CSNK1E: variants seen among roughly 807,000 people sequenced by gnomAD.
CSNK1E encodes the protein casein kinase I isoform epsilon.
In CSNK1E, 17 loss-of-function variants were observed where a neutral mutation model predicts 46.1. That is an observed-to-expected ratio of 0.37 (90% CI 0.25 to 0.55). The LOEUF (loss-of-function observed/expected upper bound fraction) is 0.55, where lower values mean the gene tolerates loss of function less well. Among genes scored for constraint, CSNK1E ranks in the 20% least tolerant of loss-of-function variants. CSNK1E has a pLI of 0.82. For synonymous variants in CSNK1E, 241 were observed against 242.6 expected (o/e 0.99, Z 0.06); for missense variants, 386 against 595.4 (o/e 0.65, Z 3.66).
chr22:38,294,333 C>T lies in CSNK1E; in HGVS notation c.1078+9G>A, dbSNP rs772967609. 10 of 1,582,282 alleles carry T rather than the reference C, an allele frequency of 6.3e-6. No individual in the cohort carries two copies. In the Admixed American group the frequency reaches 1.1e-4, roughly 17 times the overall value. On this transcript the variant is annotated intron_variant, in intron 8 of 10. Transcript: ENST00000396832. The surrounding 1 kb of genome is among the most constrained non-coding windows in gnomAD (Gnocchi z 5.5). ...CTGAACCCAGCCCACTGCCTGAGTCCCTGCTCACCAGCCGGCTGGATGCGG... is the reference window on the plus strand; with the variant it reads ...CTGAACCCAGCCCACTGCCTGAGTCTCTGCTCACCAGCCGGCTGGATGCGG...
rs978807947 is a variant in CSNK1E at position 38,317,394 on chromosome 22, T to TGCCCGCCCGCCCGCCCGCCC, written c.-248_-247insGGGCGGGCGGGCGGGCGGGC. 2.0e-5 allele frequency: 2 copies of TGCCCGCCCGCCCGCCCGCCC among 97,898 alleles called. No individual in the cohort carries two copies. The highest frequency in any genetic ancestry group is 1.9e-4 in the Admixed American group (2 of 10,492). The allele number at this position is 97,898 out of a possible 1,614,324, so 6.1% of individuals were successfully genotyped here. On this transcript the variant is annotated 5_prime_UTR_variant, in exon 1 of 11. Coordinates refer to ENST00000396832, the MANE Select transcript of CSNK1E (RefSeq NM_152221.3). The stretch of plus-strand genomic sequence containing the variant: ...CGCCGCCTCCCTCCTCCCGGCCTCC[T>TGCCCGCCCGCCCGCCCGCCC]GCCCGCCCGCCCGCCCCCGCCGCCG...
rs1022958257 is a variant in CSNK1E, at chr22:38,294,683, A to G, written c.886-149T>C. ...GCCTCCCTGACAAGCGCGGGAAGCC[A>G]AGACCCACAATCACACAGCACAGAG... On this transcript the variant is annotated intron_variant, in intron 7 of 10. Transcript: ENST00000396832. The surrounding 1 kb of genome is among the most constrained non-coding windows in gnomAD (Gnocchi z 5.5). 4 of 703,220 alleles carry G rather than the reference A, an allele frequency of 5.7e-6. No individual in the cohort carries two copies. Among genetic ancestry groups the G allele is most frequent in the African/African-American group, 5.4e-5 (3 of 55,238 alleles). The allele number at this position is 703,220 out of a possible 1,614,324, so 43.6% of individuals were successfully genotyped here.
intron 1 of CSNK1E, chr22:38,316,690 C>T (rs1297566462): frequency 6.6e-6 from 1 of 152,296 alleles, no homozygotes; most frequent in Non-Finnish European, 1.5e-5. Context: ...CGCCCGTCAT[C>T]CAACGAGCGG....
intron 9 of CSNK1E, 69 bp from the exon 10 acceptor site, chr22:38,293,388 T>TA (rs2092622026): frequency 4.0e-6 from 4 of 989,638 alleles, no homozygotes; most frequent in Non-Finnish European, 6.3e-6. Flanking sequence ...GTCAAGTCCC[T>TA]TAGCCGCTGG....
intron 1 of CSNK1E, 44 bp from the exon 2 acceptor site, chr22:38,314,213 CG>C: frequency 1.3e-6 from 2 of 1,531,700 alleles, no homozygotes; most frequent in Non-Finnish European, 1.8e-6. Flanking sequence ...CGTGGGGAGC[CG>C]GGAAAGGGGT....
chr22:38,296,281 T>C lies in CSNK1E; in HGVS notation c.886-1747A>G, dbSNP rs911955425. 5.6e-6 allele frequency: 7 copies of C among 1,241,294 alleles called. No individual in the cohort carries two copies. In the African/African-American group the frequency reaches 7.7e-5, roughly 14 times the overall value. 76.9% of individuals were successfully genotyped at this position (1,241,294 alleles called of 1,614,324 possible). A position where few individuals can be genotyped will look rare whatever the true frequency, so the allele number is the denominator to read the frequency against. On this transcript the variant is annotated intron_variant, in intron 7 of 10. Coordinates refer to ENST00000396832, the MANE Select transcript of CSNK1E (RefSeq NM_152221.3). ...TCACACGAGCATCCACCCGTCATCA[T>C]ATGGACCTCTGTCCTTGGCTGTGTT...
chr22:38,307,041 C>T (rs115705436), intron 2 of CSNK1E, among the ~76,000 whole-genome samples: 2,459 of 152,160 alleles, frequency 0.016, 72 homozygotes, highest in African/African-American at 0.056. Context: ...CGTGGTAGCA[C>T]GTGCCTGTGG....
intron 1 of CSNK1E, chr22:38,316,891 CAGCGGGGGGA>C (rs2092749216): frequency 1.3e-5 from 2 of 152,040 alleles, no homozygotes; most frequent in African/African-American, 2.4e-5. Flanking sequence ...TCGGAGGGCC[CAGCGGGGGGA>C]AGCGGAGGCA....
chr22:38,298,866 G>C lies in CSNK1E; in HGVS notation c.805C>G (p.Leu269Val), dbSNP rs1414072863. The change falls in exon 7 of 11, where the codon CTA becomes GTA. Residue 269 changes from leucine (L) to valine (V), a missense_variant. Physicochemically the swap from Leu to Val is conservative, Grantham distance 32 (BLOSUM62 1). Around this residue, in one of 2 missense-constraint regions of CSNK1E, gnomAD observed 212 missense variants for 410.2 expected, o/e 0.52. Coordinates refer to ENST00000396832, the MANE Select transcript of CSNK1E (RefSeq NM_152221.3). This position sits in a 1 kb window ranked among gnomAD's most constrained non-coding sequence, Gnocchi z 4.2. ...AAGAGGTTGCGGAAGAGCTGACGTA[G>C]GTAAGAGTAGTCGGGCTTGTCGTCA... ...RFDDKPDYSY[L>V]RQLFRNLFHR... 1 of 1,614,192 alleles carries C rather than the reference G, an allele frequency of 6.2e-7. No homozygotes were observed. Among genetic ancestry groups the C allele is most frequent in the Non-Finnish European group, 8.5e-7 (1 of 1,180,022 alleles).
chr22:38,306,733 A>C (rs1364092510), intron 2 of CSNK1E, among the ~76,000 whole-genome samples: 2 of 8,868 alleles, frequency 2.3e-4, no homozygotes, highest in Non-Finnish European at 1.7e-3. Flanking sequence ...CCATCTCAAA[A>C]AAAAAAAAAA....
chr22:38,317,922 A>C (rs2092756874), upstream of CSNK1E: 1 of 152,202 alleles, frequency 6.6e-6, no homozygotes, highest in East Asian at 1.9e-4. Context: ...ATTCAGGGCA[A>C]GAGATTTGAG....
intron 6 of CSNK1E, among the ~76,000 whole-genome samples, chr22:38,299,389 A>G (rs1476794988): frequency 6.6e-6 from 1 of 152,234 alleles, no homozygotes; most frequent in African/African-American, 2.4e-5. Context: ...GAGATGAGGC[A>G]GGAATGTAGG....
chr22:38,295,993 G>A (rs926205712), intron 7 of CSNK1E, among the ~76,000 whole-genome samples: 11 of 152,254 alleles, frequency 7.2e-5, no homozygotes, highest in Admixed American at 1.3e-4. Flanking sequence ...TCAACCCTGT[G>A]AGGCAGGTCA....
At chr22:38,299,063 G>C (rs1253938692) in intron 6 of CSNK1E, 129 bp from the exon 7 acceptor site, 1 of 1,042,934 alleles carries the variant, frequency 9.6e-7, no homozygotes, top group African/African-American at 1.6e-5. Context: ...AAGAAAAGGA[G>C]GCAACAGAGC....
In CSNK1E at chr22:38,298,112, G is replaced by A. The variant is rs1209777209; in HGVS notation, c.885+674C>T. On this transcript the variant is annotated intron_variant, in intron 7 of 10. Transcript: ENST00000396832. The surrounding 1 kb of genome is among the most constrained non-coding windows in gnomAD (Gnocchi z 4.2). ...TCCTTACCAGTACGTGGGTGAGTAC[G>A]TGGGCCCAGCACAGGGACAGGGGCG... 19 of 1,273,800 alleles carry A rather than the reference G, an allele frequency of 1.5e-5. No individual in the cohort carries two copies. The highest frequency in any genetic ancestry group is 3.9e-5 in the South Asian group (3 of 76,390). The allele number at this position is 1,273,800 out of a possible 1,614,324, so 78.9% of individuals were successfully genotyped here.
intron 4 of CSNK1E, 72 bp downstream of exon 4, chr22:38,302,789 G>C: frequency 6.4e-7 from 1 of 1,571,940 alleles, no homozygotes; most frequent in Non-Finnish European, 8.7e-7. Context: ...GGCATCCTCT[G>C]GGGGCAGGAG....
chr22:38,297,813 G>T (rs1379937542), intron 7 of CSNK1E: 2 of 1,007,878 alleles, frequency 2.0e-6, no homozygotes, highest in Non-Finnish European at 2.4e-6. Flanking sequence ...TGGGAACAGG[G>T]GGTCATCCCA....
At position 38,294,248 on chromosome 22, in the gene CSNK1E, C is replaced by T. The variant is rs768378300; in HGVS notation, c.1079G>A (p.Gly360Asp). 1 of 1,611,466 alleles carries T rather than the reference C, an allele frequency of 6.2e-7. No homozygotes were observed. ...STPASRIQPA[G>D]NTSPRAISRV... ...CGAGATCGCTCTGGGAGAAGTATTG[C>T]CTGGAGGGAGAGTGGGAAGCCACCC... Residue 360 changes from glycine to aspartate, a missense_variant and splice_region_variant, in exon 9 of 11, where the codon GGC (glycine) becomes GAC (aspartate). Around this residue, in one of 2 missense-constraint regions of CSNK1E, gnomAD observed 174 missense variants for 185.2 expected, o/e 0.94. Transcript: ENST00000396832. This position sits in a 1 kb window ranked among gnomAD's most constrained non-coding sequence, Gnocchi z 5.5.
chr22:38,297,995 G>A (rs1187019204), intron 7 of CSNK1E: 2 of 1,134,934 alleles, frequency 1.8e-6, no homozygotes, highest in Admixed American at 4.7e-5. Context: ...GGGGAGCCGG[G>A]CACCTGAAAG....
Sources: gnomAD v4.1 joint callset for allele counts (sites outside exome capture counted in the v4.1 genomes callset) on GRCh38, gnomAD v4.1.1 for gene constraint, gnomAD v4.1.1 regional missense constraint, Gnocchi (gnomAD v3.1) non-coding constraint, MANE v1.5 for transcripts, NCBI Gene and HGNC (gene_info 2026-07-23, HGNC 2026-07-21) for gene names.